Variants in SORCS3 observed in about 807,000 individuals in gnomAD.
SORCS3 encodes VPS10 domain-containing receptor SorCS3.
SORCS3 carries 57 observed loss-of-function variants against 146.3 expected under a neutral mutation model. That is an observed-to-expected ratio of 0.39 (90% CI 0.31 to 0.49). The LOEUF (loss-of-function observed/expected upper bound fraction) is 0.49. Ranked by LOEUF, SORCS3 falls within the 20% of genes least tolerant of loss-of-function variation. The probability of loss-of-function intolerance (pLI) is 0.92; values close to 1 mark genes in which losing one functional copy is unlikely to be tolerated. For synonymous variants in SORCS3, 653 were observed against 618.5 expected (o/e 1.06, Z -0.83); for missense variants, 1,341 against 1,575.5 (o/e 0.85, Z 2.52).
intron 3 of SORCS3, among the ~76,000 whole-genome samples, chr10:104,933,364 C>A (rs971831631): frequency 6.6e-6 from 1 of 151,774 alleles, no homozygotes; most frequent in African/African-American, 2.4e-5. Context: ...GCATCACACC[C>A]AGACAGACAG....
intron 5 of SORCS3, among the ~76,000 whole-genome samples, chr10:105,069,712 A>G (rs368173849): frequency 1.6e-3 from 250 of 152,296 alleles, no homozygotes; most frequent in African/African-American, 5.8e-3. Flanking sequence ...ATTCTCTGTG[A>G]TACTTTCCAG....
At chr10:105,049,269 A>C (rs185234095) in intron 5 of SORCS3, among the ~76,000 whole-genome samples, 1 of 152,228 alleles carries the variant, frequency 6.6e-6, no homozygotes, top group East Asian at 1.9e-4. Flanking sequence ...TCCTCTGTTC[A>C]TATCTGTCCT....
At chr10:104,899,863 G>T (rs2018833287) in intron 2 of SORCS3, among the ~76,000 whole-genome samples, 1 of 151,990 alleles carries the variant, frequency 6.6e-6, no homozygotes, top group African/African-American at 2.4e-5. Context: ...GCCATTGAGT[G>T]CTGTGACCAT....
intron 2 of SORCS3, among the ~76,000 whole-genome samples, chr10:104,879,437 T>A (rs1016414819): frequency 6.6e-6 from 1 of 152,318 alleles, no homozygotes; most frequent in Admixed American, 6.5e-5. Context: ...TATAGACTCA[T>A]ATGATTAGAT....
At chr10:104,919,821 T>A (rs997494947) in intron 3 of SORCS3, among the ~76,000 whole-genome samples, 1 of 152,250 alleles carries the variant, frequency 6.6e-6, no homozygotes, top group Non-Finnish European at 1.5e-5. Flanking sequence ...TCTGAGCCTC[T>A]TGATGTTGAC....
chr10:105,016,156 T>TATTTA (rs1554868994), intron 4 of SORCS3, among the ~76,000 whole-genome samples: 1 of 74,886 alleles, frequency 1.3e-5, no homozygotes, highest in African/African-American at 8.2e-5. Context: ...TATATATATA[T>TATTTA]TTTTTTTTTT....
intron 5 of SORCS3, among the ~76,000 whole-genome samples, chr10:105,064,051 A>G (rs2055505919): frequency 1.3e-5 from 2 of 152,220 alleles, no homozygotes; most frequent in Non-Finnish European, 2.9e-5. Context: ...TGATTACTTC[A>G]AGCAACATTT....
chr10:104,727,982 C>G (rs1200550239), intron 1 of SORCS3, among the ~76,000 whole-genome samples: 1 of 152,018 alleles, frequency 6.6e-6, no homozygotes, highest in Non-Finnish European at 1.5e-5. Context: ...GTCCCTGGTG[C>G]CAAAAAGGTT....
intron 3 of SORCS3, among the ~76,000 whole-genome samples, chr10:104,924,908 A>T (rs940541768): frequency 1.3e-4 from 20 of 152,118 alleles, no homozygotes; most frequent in Admixed American, 2.6e-4. Flanking sequence ...TAATTTTTTT[A>T]AAAAAATTTA....
At chr10:105,185,244 CCTTA>C (rs1327807090) in intron 14 of SORCS3, among the ~76,000 whole-genome samples, 3 of 152,194 alleles carry the variant, frequency 2.0e-5, no homozygotes, top group Non-Finnish European at 2.9e-5. Flanking sequence ...TTTCTCATTT[CCTTA>C]TATTGAATTC....
chr10:105,026,701 A>C (rs2055234179), intron 4 of SORCS3, among the ~76,000 whole-genome samples: 2 of 152,234 alleles, frequency 1.3e-5, no homozygotes, highest in Admixed American at 6.5e-5. Flanking sequence ...GCTGGAGACC[A>C]TTATACTAAG....
chr10:104,730,541 C>G (rs530581101), intron 1 of SORCS3, among the ~76,000 whole-genome samples: 1 of 152,232 alleles, frequency 6.6e-6, no homozygotes, highest in Non-Finnish European at 1.5e-5. Context: ...GCTTCTACCT[C>G]CCGCTTTTCT....
intron 5 of SORCS3, among the ~76,000 whole-genome samples, chr10:105,083,457 C>T (rs2055638811): frequency 6.6e-6 from 1 of 152,036 alleles, no homozygotes; most frequent in Non-Finnish European, 1.5e-5. Context: ...GGAAGAGGTG[C>T]CAGGGGCAAT....
intron 7 of SORCS3, among the ~76,000 whole-genome samples, chr10:105,109,949 G>A (rs1335077473): frequency 2.0e-5 from 3 of 151,332 alleles, no homozygotes; most frequent in Admixed American, 6.6e-5. Flanking sequence ...AGTTTCTGTG[G>A]CATATCTTGA....
chr10:105,007,384 G>A (rs1330736933), intron 4 of SORCS3, among the ~76,000 whole-genome samples: 1 of 151,978 alleles, frequency 6.6e-6, no homozygotes, highest in Non-Finnish European at 1.5e-5. Flanking sequence ...TATATTCCAG[G>A]CAGTGCACCA....
At chr10:105,047,174 T>C (rs547223605) in intron 5 of SORCS3, among the ~76,000 whole-genome samples, 58 of 152,126 alleles carry the variant, frequency 3.8e-4, no homozygotes, top group Non-Finnish European at 7.2e-4. Context: ...TGTGAATACT[T>C]GTTGTGATTC....
At position 104,696,768 on chromosome 10, in the gene SORCS3, T is replaced by A. The variant is rs182106854; in HGVS notation, c.627+54814T>A. Among the ~76,000 whole-genome samples the A allele has an allele frequency of 3.9e-3, 465 of 118,006 alleles. 8 individuals are homozygous for A. Among genetic ancestry groups the A allele is most frequent in the African/African-American group, 0.012 (356 of 29,290 alleles). The allele number at this position is 118,006 out of a possible 152,430, so 77.4% of individuals were successfully genotyped here. The stretch of plus-strand genomic sequence containing the variant: ...ATTATATACGTATATATAATATATA[T>A]AATATATATATATAATGGAATATTA... On this transcript the variant is annotated intron_variant, in intron 1 of 26. Coordinates refer to ENST00000369701, the MANE Select transcript of SORCS3 (RefSeq NM_014978.3).
chr10:104,985,011 G>C (rs1178231119), intron 4 of SORCS3, among the ~76,000 whole-genome samples: 1 of 152,052 alleles, frequency 6.6e-6, no homozygotes, highest in African/African-American at 2.4e-5. Context: ...TGAAGACTGG[G>C]GTGGCTGTGG....
intron 13 of SORCS3, among the ~76,000 whole-genome samples, chr10:105,168,877 A>G (rs1280729687): frequency 6.6e-6 from 1 of 152,162 alleles, no homozygotes; most frequent in Non-Finnish European, 1.5e-5. Context: ...GCATGGAGCC[A>G]TTTGTAAGAG....
Sources: gnomAD v4.1 joint callset for allele counts (sites outside exome capture counted in the v4.1 genomes callset) on GRCh38, gnomAD v4.1.1 for gene constraint, MANE v1.5 for transcripts, NCBI Gene and HGNC (gene_info 2026-07-23, HGNC 2026-07-21) for gene names.